The following SNTB1 variants were observed in gnomAD, a reference collection of about 807,000 sequenced individuals.
The protein encoded by SNTB1 is syntrophin beta 1.
In SNTB1, 36 loss-of-function variants were observed where a neutral mutation model predicts 48.9. That is an observed-to-expected ratio of 0.74 (90% confidence interval 0.56 to 0.97). The LOEUF (loss-of-function observed/expected upper bound fraction) is 0.97. Among genes scored for constraint, SNTB1 ranks in the 50% least tolerant of loss-of-function variants. SNTB1 has a pLI of 0.00. For synonymous variants in SNTB1, 299 were observed against 294.6 expected, an observed-to-expected ratio of 1.01 and a Z score of -0.15; for missense variants, 786 against 703.4, an observed-to-expected ratio of 1.12 and a Z score of -1.33.
chr8:120,612,939 A>G (rs1816648684), intron 3 of SNTB1, among the ~76,000 whole-genome samples: 1 of 152,216 alleles, frequency 6.6e-6, no homozygotes, highest in Non-Finnish European at 1.5e-5. Context: ...TTTGAAATAT[A>G]TAATATATTG....
intron 3 of SNTB1, among the ~76,000 whole-genome samples, chr8:120,619,478 C>T (rs1345798601): frequency 6.6e-6 from 1 of 152,148 alleles, no homozygotes; most frequent in Non-Finnish European, 1.5e-5. Flanking sequence ...AGCAGGTCAT[C>T]TATGATCCAT....
chr8:120,661,040 C>T (rs568848440), intron 2 of SNTB1, among the ~76,000 whole-genome samples: 1 of 152,162 alleles, frequency 6.6e-6, no homozygotes, highest in South Asian at 2.1e-4. Context: ...TTACCGGTCA[C>T]AGATCACCAT....
chr8:120,736,772 A>C (rs910306976), intron 1 of SNTB1, among the ~76,000 whole-genome samples: 1 of 152,130 alleles, frequency 6.6e-6, no homozygotes, highest in African/African-American at 2.4e-5. Flanking sequence ...AATTAAATGC[A>C]TTTCATTCCC....
intron 1 of SNTB1, among the ~76,000 whole-genome samples, chr8:120,750,407 T>C (rs1214173264): frequency 6.6e-6 from 1 of 152,166 alleles, no homozygotes; most frequent in African/African-American, 2.4e-5. Flanking sequence ...CCTTCATTGG[T>C]GATTTATTTG....
chr8:120,683,280 G>A (rs569451271), intron 2 of SNTB1, among the ~76,000 whole-genome samples: 2 of 152,254 alleles, frequency 1.3e-5, no homozygotes, highest in Non-Finnish European at 1.5e-5. Flanking sequence ...ATACACAGCC[G>A]ATTACAAGCA....
chr8:120,688,457 A>C (rs1378790187), intron 2 of SNTB1, among the ~76,000 whole-genome samples: 1 of 152,220 alleles, frequency 6.6e-6, no homozygotes, highest in Non-Finnish European at 1.5e-5. Flanking sequence ...ATAGTTTTGA[A>C]TGCCAAAGTT....
At chr8:120,632,386 T>C in intron 3 of SNTB1, 58 bp downstream of exon 3, 2 of 1,479,604 alleles carry the variant, frequency 1.4e-6, no homozygotes, top group South Asian at 2.4e-5. Context: ...TTAGTGGTTA[T>C]GAGCGCTGGG....
rs146832995 is a variant in SNTB1, at chr8:120,728,793, A to G, written c.572-34885T>C. Among the ~76,000 whole-genome samples the G allele has an allele frequency of 2.8e-4, 43 of 152,312 alleles. 1 individual carries two copies. In the East Asian group the frequency reaches 7.1e-3, roughly 25 times the overall value. On this transcript the variant is annotated intron_variant, in intron 1 of 6. Coordinates refer to ENST00000517992, the MANE Select transcript of SNTB1 (RefSeq NM_021021.4). The stretch of plus-strand genomic sequence containing the variant: ...CTTAGTTATCGTGAATAATGCTGCA[A>G]TGAACATATGAGTGCATGTGTCTTT...
intron 4 of SNTB1, among the ~76,000 whole-genome samples, chr8:120,549,628 A>G (rs971827134): frequency 5.3e-5 from 8 of 152,220 alleles, no homozygotes; most frequent in African/African-American, 1.9e-4. Flanking sequence ...TCAGCATAAA[A>G]TGTGACTTCC....
intron 4 of SNTB1, among the ~76,000 whole-genome samples, chr8:120,564,427 G>A (rs1252481353): frequency 1.3e-5 from 2 of 150,806 alleles, no homozygotes; most frequent in East Asian, 3.9e-4. Flanking sequence ...ACTTAATCTG[G>A]GGCTTCCAGC....
At chr8:120,663,138 G>A (rs551567094) in intron 2 of SNTB1, among the ~76,000 whole-genome samples, 10 of 152,168 alleles carry the variant, frequency 6.6e-5, no homozygotes, top group East Asian at 1.9e-4. Context: ...CTAGGTCCAA[G>A]TACTGGCTAT....
At chr8:120,708,136 AAAG>A (rs1324652310) in intron 1 of SNTB1, among the ~76,000 whole-genome samples, 1 of 151,720 alleles carries the variant, frequency 6.6e-6, no homozygotes, top group Non-Finnish European at 1.5e-5. Context: ...CTAAAACATA[AAAG>A]AATACTTTTG....
rs28483268 is a variant in SNTB1, at chr8:120,686,425, T to C, written c.788+7267A>G. 6.6e-3 allele frequency among the ~76,000 whole-genome samples: 1,008 copies of C among 152,322 alleles called. 10 individuals are homozygous for C. The highest frequency in any genetic ancestry group is 0.023 in the African/African-American group (945 of 41,570). ...TGTGTTCCTCATGGCTGGTACCTACTATATGTCCTTGCATGGTCTAAGGGG... is the reference window on the plus strand; with the variant it reads ...TGTGTTCCTCATGGCTGGTACCTACCATATGTCCTTGCATGGTCTAAGGGG... On this transcript the variant is annotated intron_variant, in intron 2 of 6. Coordinates refer to ENST00000517992, the MANE Select transcript of SNTB1 (RefSeq NM_021021.4).
intron 1 of SNTB1, among the ~76,000 whole-genome samples, chr8:120,788,062 G>T (rs1380417824): frequency 6.6e-6 from 1 of 152,120 alleles, no homozygotes; most frequent in Non-Finnish European, 1.5e-5. Context: ...GAAGGGATTG[G>T]GGTCCTATCT....
chr8:120,566,034 T>C (rs1161721045), intron 4 of SNTB1, among the ~76,000 whole-genome samples: 1 of 152,126 alleles, frequency 6.6e-6, no homozygotes, highest in Non-Finnish European at 1.5e-5. Flanking sequence ...CATGGTGGCC[T>C]ATTAAAATAC....
chr8:120,549,039 T>C, intron 4 of SNTB1, 81 bp from the exon 5 acceptor site: 1 of 1,153,450 alleles, frequency 8.7e-7, no homozygotes, highest in Non-Finnish European at 1.2e-6. Flanking sequence ...AAGACCCAAA[T>C]TGGTGATCTG....
In SNTB1 at chr8:120,645,036, T is replaced by G. The variant is rs1338602722; in HGVS notation, c.789-12385A>C. 3.4e-5 allele frequency among the ~76,000 whole-genome samples: 5 copies of G among 148,828 alleles called. No individual in the cohort carries two copies. The East Asian group carries it at 9.8e-4, about 29-fold the overall frequency. ...TTTGTTTTTTTCTTGTAAATTTGTT[T>G]GAGTTCATTGTAGATTCTGGATATT... is the stretch of plus-strand genomic sequence containing the variant. On this transcript the variant is annotated intron_variant, in intron 2 of 6. Coordinates refer to ENST00000517992, the MANE Select transcript of SNTB1 (RefSeq NM_021021.4).
chr8:120,700,655 A>C (rs1267531170), intron 1 of SNTB1, among the ~76,000 whole-genome samples: 4 of 152,222 alleles, frequency 2.6e-5, no homozygotes, highest in Non-Finnish European at 5.9e-5. Context: ...TGTGTTTTTC[A>C]TTTGAAGGAC....
chr8:120,601,320 G>A (rs1301689221), intron 3 of SNTB1, among the ~76,000 whole-genome samples: 2 of 151,984 alleles, frequency 1.3e-5, no homozygotes, highest in East Asian at 3.9e-4. Context: ...TTTAGATTTC[G>A]TTAGTCTCAT....
Sources: gnomAD v4.1 joint callset for allele counts (sites outside exome capture counted in the v4.1 genomes callset) on GRCh38, gnomAD v4.1.1 for gene constraint, MANE v1.5 for transcripts, NCBI Gene and HGNC (gene_info 2026-07-23, HGNC 2026-07-21) for gene names.